KIAA1549L: variants seen among roughly 807,000 people sequenced by gnomAD.
KIAA1549L encodes the protein KIAA1549 like, also known as UPF0606 protein KIAA1549L.
A neutral mutation model predicts 160.7 loss-of-function variants in KIAA1549L; 88 were observed. The ratio of observed to expected loss-of-function variants is 0.55; its 90% CI spans 0.46 to 0.65. The LOEUF (loss-of-function observed/expected upper bound fraction) is 0.65. Ranked by LOEUF, KIAA1549L falls within the 30% of genes least tolerant of loss-of-function variation. KIAA1549L has a pLI of 0.00. For missense variants in KIAA1549L, 2,258 were observed against 2,437.5 expected (o/e 0.93, Z 1.55); for synonymous variants, 950 against 976.7 (o/e 0.97, Z 0.51).
intron 1 of KIAA1549L, among the ~76,000 whole-genome samples, chr11:33,517,316 T>C (rs929903368): frequency 6.6e-6 from 1 of 152,304 alleles, no homozygotes. Context: ...CTGTGGCAGG[T>C]CTACCTTATG....
chr11:33,422,180 T>C (rs4756684), intron 1 of KIAA1549L, among the ~76,000 whole-genome samples: 113,879 of 151,730 alleles, frequency 0.75, 42,763 homozygotes, highest in African/African-American at 0.78. Context: ...TACCTGTGGA[T>C]GCCCAGGATC....
chr11:33,446,281 G>T (rs1184296278), intron 1 of KIAA1549L, among the ~76,000 whole-genome samples: 1 of 152,068 alleles, frequency 6.6e-6, no homozygotes, highest in African/African-American at 2.4e-5. Flanking sequence ...TTTTAGTAGA[G>T]ACAGGGTTTC....
At chr11:33,628,835 T>C (rs1305682061) in intron 16 of KIAA1549L, among the ~76,000 whole-genome samples, 3 of 152,066 alleles carry the variant, frequency 2.0e-5, no homozygotes, top group Non-Finnish European at 4.4e-5. Flanking sequence ...ATTATGATGT[T>C]AGTTGGTTAT....
chr11:33,384,377 T>C (rs906473209), intron 1 of KIAA1549L, among the ~76,000 whole-genome samples: 2 of 152,268 alleles, frequency 1.3e-5, no homozygotes, highest in Admixed American at 1.3e-4. Flanking sequence ...CAGCAGTTGA[T>C]GGACATGTGG....
chr11:33,666,844 C>T (rs558744492), intron 20 of KIAA1549L, among the ~76,000 whole-genome samples: 3 of 152,138 alleles, frequency 2.0e-5, no homozygotes, highest in African/African-American at 4.8e-5. Context: ...CGCCTTAGAC[C>T]GTGGCACTCT....
At chr11:33,469,600 G>GT (rs1852136146) in intron 1 of KIAA1549L, among the ~76,000 whole-genome samples, 1 of 152,188 alleles carries the variant, frequency 6.6e-6, no homozygotes, top group Non-Finnish European at 1.5e-5. Context: ...CTACCAAACT[G>GT]TTTTGCAAAG....
chr11:33,378,656 T>C (rs111265105), intron 1 of KIAA1549L, among the ~76,000 whole-genome samples: 1 of 152,244 alleles, frequency 6.6e-6, no homozygotes, highest in African/African-American at 2.4e-5. Context: ...CTATGCTTTT[T>C]GGATGCACTT....
chr11:33,414,575 A>T (rs929589255), intron 1 of KIAA1549L, among the ~76,000 whole-genome samples: 10 of 152,214 alleles, frequency 6.6e-5, no homozygotes, highest in Admixed American at 5.2e-4. Context: ...GGCACACTTT[A>T]TCAAATTATC....
chr11:33,534,201 G>T (rs935596659), intron 1 of KIAA1549L, among the ~76,000 whole-genome samples: 36 of 152,014 alleles, frequency 2.4e-4, no homozygotes, highest in African/African-American at 8.2e-4. Flanking sequence ...TCCTGCCTCA[G>T]CCTCCTGAGT....
intron 1 of KIAA1549L, among the ~76,000 whole-genome samples, chr11:33,447,535 TATCCACCCATGC>T (rs1203341582): frequency 9.0e-6 from 1 of 111,696 alleles, no homozygotes; most frequent in Non-Finnish European, 1.7e-5. Context: ...CTCACCCATC[TATCCACCCATGC>T]GTGCATGCAT....
intron 10 of KIAA1549L, among the ~76,000 whole-genome samples, chr11:33,582,058 A>G (rs562503216): frequency 2.0e-5 from 3 of 152,390 alleles, no homozygotes; most frequent in Non-Finnish European, 2.9e-5. Flanking sequence ...TATAAGCTCT[A>G]TGTTAATGAC....
At chr11:33,488,187 G>A (rs2133061363) in intron 1 of KIAA1549L, among the ~76,000 whole-genome samples, 1 of 152,272 alleles carries the variant, frequency 6.6e-6, no homozygotes, top group South Asian at 2.1e-4. Flanking sequence ...GTGAGTCTAT[G>A]TTTGTAATGC....
chr11:33,395,635 A>G (rs1254153986), intron 1 of KIAA1549L, among the ~76,000 whole-genome samples: 1 of 152,182 alleles, frequency 6.6e-6, no homozygotes. Context: ...GAGAAAACGT[A>G]ACATGTTTTC....
rs555111398 is a variant in KIAA1549L, at chr11:33,596,658, G to A, written c.4752-2162G>A. Among the ~76,000 whole-genome samples, 426 of 152,312 alleles carry A rather than the reference G, an allele frequency of 2.8e-3. 3 individuals carry two copies. The highest frequency in any genetic ancestry group is 9.5e-3 in the African/African-American group (393 of 41,548). ...GATGGTTGAGGCAGGAGAATCACTCGAACTCGGGAAACGGAGGTTGCAGTG... is the reference window on the plus strand; with the variant it reads ...GATGGTTGAGGCAGGAGAATCACTCAAACTCGGGAAACGGAGGTTGCAGTG... On this transcript the variant is annotated intron_variant, in intron 12 of 20. Transcript: ENST00000658780.
At chr11:33,509,699 T>A (rs893489088) in intron 1 of KIAA1549L, among the ~76,000 whole-genome samples, 1 of 152,234 alleles carries the variant, frequency 6.6e-6, no homozygotes, top group Non-Finnish European at 1.5e-5. Flanking sequence ...GTCACTTTTT[T>A]AATTGCAGAA....
chr11:33,584,257 G>A (rs373501731), intron 11 of KIAA1549L, among the ~76,000 whole-genome samples: 8 of 152,314 alleles, frequency 5.3e-5, no homozygotes, highest in African/African-American at 9.6e-5. Context: ...ACAACAGCCC[G>A]AACTGACTTA....
At chr11:33,417,215 A>C (rs1850906196) in intron 1 of KIAA1549L, among the ~76,000 whole-genome samples, 1 of 152,212 alleles carries the variant, frequency 6.6e-6, no homozygotes, top group Non-Finnish European at 1.5e-5. Context: ...TCTGTAAAGT[A>C]CTACATTCAC....
chr11:33,594,047 A>C (rs958008111), intron 12 of KIAA1549L, among the ~76,000 whole-genome samples: 1 of 152,178 alleles, frequency 6.6e-6, no homozygotes, highest in African/African-American at 2.4e-5. Flanking sequence ...CATGAGAAGA[A>C]CAAAGAGAGA....
chr11:33,390,701 C>T (rs1170771715), intron 1 of KIAA1549L, among the ~76,000 whole-genome samples: 1 of 152,200 alleles, frequency 6.6e-6, no homozygotes, highest in Non-Finnish European at 1.5e-5. Context: ...AACTTCTGAA[C>T]ATTTGTCTCC....
Sources: gnomAD v4.1 joint callset for allele counts (sites outside exome capture counted in the v4.1 genomes callset) on GRCh38, gnomAD v4.1.1 for gene constraint, MANE v1.5 for transcripts, NCBI Gene and HGNC (gene_info 2026-07-23, HGNC 2026-07-21) for gene names.